The following LMBR1 variants were observed in gnomAD, a reference collection of about 807,000 sequenced individuals.
LMBR1 encodes the protein limb region 1 protein homolog.
In LMBR1, 52 loss-of-function variants were observed where a neutral mutation model predicts 73.9. The observed-to-expected ratio is 0.70, with a 90% CI of 0.56 to 0.89. The LOEUF is 0.89. LMBR1 is among the 40% of genes least tolerant of loss of function. The pLI, the probability that LMBR1 is intolerant of heterozygous loss-of-function variation, is 0.00. For synonymous variants in LMBR1, 215 were observed against 209.4 expected, an observed-to-expected ratio of 1.03 and a Z score of -0.23; for missense variants, 539 against 579.8, an observed-to-expected ratio of 0.93 and a Z score of 0.72.
At chr7:156,805,540 A>G (rs1831882697) in intron 4 of LMBR1, among the ~76,000 whole-genome samples, 1 of 152,188 alleles carries the variant, frequency 6.6e-6, no homozygotes. Flanking sequence ...TGATTACTGT[A>G]GCTTTAAAAG....
At chr7:156,726,797 A>G (rs556921368) in intron 12 of LMBR1, among the ~76,000 whole-genome samples, 4 of 152,194 alleles carry the variant, frequency 2.6e-5, no homozygotes, top group Admixed American at 2.6e-4. Context: ...GAAGCAGGCC[A>G]TAAGACCCCC....
chr7:156,736,851 A>G (rs1161475776), intron 9 of LMBR1, among the ~76,000 whole-genome samples: 1 of 152,176 alleles, frequency 6.6e-6, no homozygotes, highest in Non-Finnish European at 1.5e-5. Context: ...CTATGTACTT[A>G]ACACAAATTC....
chr7:156,873,513 T>C (rs1244760581), intron 1 of LMBR1, among the ~76,000 whole-genome samples: 1 of 152,152 alleles, frequency 6.6e-6, no homozygotes, highest in Non-Finnish European at 1.5e-5. Flanking sequence ...TATTCTCTTA[T>C]CTGGCCCCAC....
At chr7:156,845,811 A>G (rs1292401986) in intron 1 of LMBR1, among the ~76,000 whole-genome samples, 2 of 152,126 alleles carry the variant, frequency 1.3e-5, no homozygotes, top group Non-Finnish European at 2.9e-5. Context: ...ACTGTGCCCA[A>G]TTCAATTTAT....
intron 15 of LMBR1, among the ~76,000 whole-genome samples, chr7:156,693,602 G>A (rs187740230): frequency 1.1e-3 from 162 of 152,152 alleles, no homozygotes; most frequent in African/African-American, 3.7e-3. Context: ...AGAAGAAATA[G>A]AAAACCTGAG....
At chr7:156,754,115 T>C (rs1192094904) in intron 9 of LMBR1, among the ~76,000 whole-genome samples, 3 of 152,200 alleles carry the variant, frequency 2.0e-5, no homozygotes, top group Non-Finnish European at 4.4e-5. Context: ...AGATGGCTTA[T>C]TCAGGATACC....
intron 1 of LMBR1, among the ~76,000 whole-genome samples, chr7:156,853,546 G>A (rs1796535828): frequency 6.6e-6 from 1 of 152,164 alleles, no homozygotes; most frequent in South Asian, 2.1e-4. Context: ...AAAAGTCCTA[G>A]AATAACTTCT....
intron 15 of LMBR1, among the ~76,000 whole-genome samples, chr7:156,709,972 T>C (rs373947582): frequency 6.8e-6 from 1 of 146,316 alleles, no homozygotes; most frequent in Non-Finnish European, 1.5e-5. Flanking sequence ...TGGCGCGATC[T>C]TGGCTCACTG....
At chr7:156,740,066 G>C (rs1818609618) in intron 9 of LMBR1, among the ~76,000 whole-genome samples, 1 of 151,928 alleles carries the variant, frequency 6.6e-6, no homozygotes, top group South Asian at 2.1e-4. Flanking sequence ...TAATAAAAAA[G>C]AATCAAGCAG....
intron 1 of LMBR1, among the ~76,000 whole-genome samples, chr7:156,891,643 G>A (rs944337373): frequency 1.3e-5 from 2 of 152,070 alleles, no homozygotes; most frequent in Non-Finnish European, 2.9e-5. Flanking sequence ...GTAGAGATGG[G>A]GATTCACTAT....
At chr7:156,873,318 T>C (rs902694681) in intron 1 of LMBR1, among the ~76,000 whole-genome samples, 2 of 151,996 alleles carry the variant, frequency 1.3e-5, no homozygotes, top group Non-Finnish European at 2.9e-5. Flanking sequence ...GGTGGGCTCC[T>C]GGTCTCGCTG....
chr7:156,773,934 A>G (rs1276441551), intron 5 of LMBR1, among the ~76,000 whole-genome samples: 1 of 152,168 alleles, frequency 6.6e-6, no homozygotes, highest in Non-Finnish European at 1.5e-5. Flanking sequence ...ACAACAAGCT[A>G]AAGAATGGGA....
At chr7:156,822,770 T>C (rs1835001834) in intron 4 of LMBR1, 1 of 151,990 alleles carries the variant, frequency 6.6e-6, no homozygotes, top group African/African-American at 2.4e-5. Context: ...AAATTCAATA[T>C]GAAAAAAGCA....
intron 8 of LMBR1, among the ~76,000 whole-genome samples, chr7:156,761,273 G>A (rs1822935790): frequency 6.6e-6 from 1 of 152,072 alleles, no homozygotes; most frequent in African/African-American, 2.4e-5. Flanking sequence ...GATTTCCTAG[G>A]GGCAGCTAAG....
At chr7:156,729,874 G>A (rs1168970072) in intron 10 of LMBR1, among the ~76,000 whole-genome samples, 1 of 152,072 alleles carries the variant, frequency 6.6e-6, no homozygotes, top group Non-Finnish European at 1.5e-5. Flanking sequence ...AGAACAAGAA[G>A]AAAAGATAAA....
chr7:156,736,120 G>A (rs1198906789), intron 9 of LMBR1, among the ~76,000 whole-genome samples: 1 of 152,180 alleles, frequency 6.6e-6, no homozygotes, highest in Non-Finnish European at 1.5e-5. Context: ...GGAAGCAGAC[G>A]TCCTAATGGC....
intron 5 of LMBR1, among the ~76,000 whole-genome samples, chr7:156,788,593 C>T (rs903679757): frequency 4.8e-4 from 72 of 151,350 alleles, no homozygotes; most frequent in African/African-American, 1.7e-3. Context: ...CCAAACCCCA[C>T]ATTCACAGGC....
intron 15 of LMBR1, among the ~76,000 whole-genome samples, chr7:156,692,797 G>C (rs1357427202): frequency 6.6e-6 from 1 of 152,154 alleles, no homozygotes; most frequent in Non-Finnish European, 1.5e-5. Flanking sequence ...TATGCTTGTG[G>C]GGAGCAACTA....
chr7:156,730,537 T>A (rs1164542976), intron 10 of LMBR1, among the ~76,000 whole-genome samples: 1 of 152,202 alleles, frequency 6.6e-6, no homozygotes, highest in Non-Finnish European at 1.5e-5. Context: ...CTACCGTAAC[T>A]GTCTACCAGA....
Sources: allele counts gnomAD v4.1 joint callset (sites outside exome capture counted in the v4.1 genomes callset), GRCh38; gene constraint gnomAD v4.1.1; transcripts MANE v1.5; gene names NCBI Gene and HGNC (gene_info 2026-07-23, HGNC 2026-07-21).